Variants in SHROOM4 observed in about 807,000 individuals in gnomAD.
The protein encoded by SHROOM4 is shroom family member 4.
In SHROOM4, 17 loss-of-function variants were observed where a neutral mutation model predicts 80.3. That is an observed-to-expected ratio of 0.21 (90% CI 0.14 to 0.32). The LOEUF (loss-of-function observed/expected upper bound fraction) is 0.32. Ranked by LOEUF, SHROOM4 falls within the 10% of genes least tolerant of loss-of-function variation. The pLI is 1.00. For missense variants in SHROOM4, 993 were observed against 1,140.3 expected (o/e 0.87, Z 1.86); for synonymous variants, 400 against 437.5 (o/e 0.91, Z 1.07).
intron 2 of SHROOM4, among the ~76,000 whole-genome samples, chrX:50,684,676 A>G (rs782213874): frequency 1.9e-4 from 21 of 111,993 alleles, no homozygotes; most frequent in Non-Finnish European, 3.6e-4. Flanking sequence ...CTTAGGGGAA[A>G]AAACTAGGAC....
the SHROOM4 span, among the ~76,000 whole-genome samples, chrX:50,576,330 T>G: frequency 8.2e-4 from 91 of 111,483 alleles, 1 homozygote; most frequent in African/African-American, 2.7e-3. Flanking sequence ...GGTCAGGAGA[T>G]TCCAGGCCTA....
intron 1 of SHROOM4, among the ~76,000 whole-genome samples, chrX:50,733,981 A>C (rs976676359): frequency 1.8e-5 from 2 of 112,197 alleles, no homozygotes; most frequent in Non-Finnish European, 3.8e-5. Context: ...CTTGCAATAA[A>C]CAATCTGAAA....
At chrX:50,645,448 T>C (rs1260263937) in intron 2 of SHROOM4, among the ~76,000 whole-genome samples, 3 of 112,019 alleles carry the variant, frequency 2.7e-5, no homozygotes, top group Non-Finnish European at 5.6e-5. Context: ...TGGTTTGTTA[T>C]CAGTGTGACC....
intron 1 of SHROOM4, among the ~76,000 whole-genome samples, chrX:50,727,521 T>C (rs990800657): frequency 3.6e-5 from 4 of 111,896 alleles, no homozygotes; most frequent in Non-Finnish European, 5.6e-5. Context: ...GACTGAATCA[T>C]GGTGGCAGTT....
rs1928862170 is a variant in SHROOM4 at position 50,590,926 on chromosome X, C to G, written c.*5769G>C. ...ACTTTTTTATATGGTATATTTTTAG[C>G]ACAAAAGTTTTTAATTTTGATTTAC... On this transcript the variant is annotated 3_prime_UTR_variant, in exon 9 of 9. Coordinates refer to ENST00000376020, the MANE Select transcript of SHROOM4 (RefSeq NM_020717.5). 9.0e-6 allele frequency among the ~76,000 whole-genome samples: 1 copy of G among 111,725 alleles called. No homozygotes were observed. The highest frequency in any genetic ancestry group is 1.9e-5 in the Non-Finnish European group (1 of 53,109).
chrX:50,763,716 C>T (rs965824127), intron 1 of SHROOM4, among the ~76,000 whole-genome samples: 2 of 111,227 alleles, frequency 1.8e-5, no homozygotes, highest in Non-Finnish European at 3.8e-5. Flanking sequence ...GTGCTTATGC[C>T]CCTTAAGCCT....
At chrX:50,631,940 TTAAA>T (rs1416692795) in intron 4 of SHROOM4, among the ~76,000 whole-genome samples, 2 of 112,051 alleles carry the variant, frequency 1.8e-5, no homozygotes, top group African/African-American at 6.5e-5. Flanking sequence ...AGCATACATA[TTAAA>T]TAAAGTTTAA....
chrX:50,684,129 C>T lies in SHROOM4; in HGVS notation c.269+11657G>A, dbSNP rs782177988. Among the ~76,000 whole-genome samples the T allele has an allele frequency of 3.8e-4, 43 of 112,007 alleles. 1 individual carries two copies. The highest frequency in any genetic ancestry group is 3.7e-3 in the Admixed American group (39 of 10,598). ...CATGTTTACCCAGAACCTTTGAATG[C>T]AACCCTGTTTGGAGACAGAGCCTTT... On this transcript the variant is annotated intron_variant, in intron 2 of 8. Transcript: ENST00000376020.
At chrX:50,813,681 C>T (rs1224900186) in intron 1 of SHROOM4, among the ~76,000 whole-genome samples, 1 of 112,233 alleles carries the variant, frequency 8.9e-6, no homozygotes, top group African/African-American at 3.2e-5. Flanking sequence ...GCGCAAGGTT[C>T]TAGCCGGGGG....
chrX:50,738,746 C>T (rs1557266932), intron 1 of SHROOM4, among the ~76,000 whole-genome samples: 3 of 111,338 alleles, frequency 2.7e-5, no homozygotes, highest in Non-Finnish European at 5.6e-5. Flanking sequence ...TGAAAATGGC[C>T]GTACTGCCCA....
intron 2 of SHROOM4, among the ~76,000 whole-genome samples, chrX:50,681,180 C>G (rs1932933944): frequency 9.0e-6 from 1 of 111,431 alleles, no homozygotes; most frequent in Non-Finnish European, 1.9e-5. Flanking sequence ...CCTGCTTCCT[C>G]TCTGCCCCCT....
intron 1 of SHROOM4, among the ~76,000 whole-genome samples, chrX:50,801,091 A>T (rs1936107299): frequency 9.1e-6 from 1 of 109,807 alleles, no homozygotes; most frequent in African/African-American, 3.3e-5. Context: ...GCTTCATCTG[A>T]ATCTCCCAGT....
At chrX:50,717,259 C>A (rs1557264955) in intron 1 of SHROOM4, among the ~76,000 whole-genome samples, 1 of 111,870 alleles carries the variant, frequency 8.9e-6, no homozygotes, top group Non-Finnish European at 1.9e-5. Context: ...TGCTCCATCA[C>A]CAGGCTGCAG....
chrX:50,670,890 T>G (rs1244908013), intron 2 of SHROOM4, among the ~76,000 whole-genome samples: 1 of 112,294 alleles, frequency 8.9e-6, no homozygotes, highest in African/African-American at 3.2e-5. Context: ...ATATGTTTTT[T>G]GGCCACATAA....
At chrX:50,661,488 G>A (rs1340267406) in intron 2 of SHROOM4, among the ~76,000 whole-genome samples, 1 of 111,693 alleles carries the variant, frequency 9.0e-6, no homozygotes, top group East Asian at 2.8e-4. Flanking sequence ...ATGAGCCACC[G>A]CACCCGGCCA....
intron 2 of SHROOM4, among the ~76,000 whole-genome samples, chrX:50,678,195 C>T (rs1169970050): frequency 9.0e-6 from 1 of 111,390 alleles, no homozygotes; most frequent in Non-Finnish European, 1.9e-5. Context: ...AGCCCACGCT[C>T]CAGTAATTTT....
rs376846452 is a variant in SHROOM4 at position 50,634,798 on chromosome X, G to A, written c.1275C>T (p.His425=). The A allele has an allele frequency of 3.3e-6, 4 of 1,211,785 alleles. No homozygotes were observed. Among genetic ancestry groups the A allele is most frequent in the Non-Finnish European group, 4.5e-6 (4 of 895,495 alleles). ...TCCCTTTGCTGCCCCTGGTATCAAG[G>A]TGCACATGCTGCAGGTGGGATGCCA... ...QLLASHLQHV[H]LDTRGSKGME... The change falls in exon 4 of 9, where the codon CAC becomes CAT. Residue 425 remains histidine, a synonymous_variant. Coordinates refer to ENST00000376020, the MANE Select transcript of SHROOM4 (RefSeq NM_020717.5).
chrX:50,677,698 A>T (rs1291115949), intron 2 of SHROOM4, among the ~76,000 whole-genome samples: 1 of 111,584 alleles, frequency 9.0e-6, no homozygotes, highest in African/African-American at 3.2e-5. Flanking sequence ...TCCCAAAGTG[A>T]CATTCATGCA....
At chrX:50,673,395 T>C (rs1415094772) in intron 2 of SHROOM4, among the ~76,000 whole-genome samples, 1 of 111,140 alleles carries the variant, frequency 9.0e-6, no homozygotes, top group African/African-American at 3.3e-5. Context: ...AAAAAATCAA[T>C]ATGAAGAGAT....
Sources: gnomAD v4.1 joint callset for allele counts (sites outside exome capture counted in the v4.1 genomes callset) on GRCh38, gnomAD v4.1.1 for gene constraint, MANE v1.5 for transcripts, NCBI Gene and HGNC (gene_info 2026-07-23, HGNC 2026-07-21) for gene names.